The following CWC27 variants were observed in gnomAD, a reference collection of about 807,000 sequenced individuals.
CWC27 encodes spliceosome-associated protein CWC27 homolog.
Under a neutral mutation model 63.6 loss-of-function variants are expected in CWC27, and 47 were observed. The ratio of observed to expected loss-of-function variants is 0.74; its 90% CI spans 0.58 to 0.94. The LOEUF (loss-of-function observed/expected upper bound fraction) is 0.94, where lower values mean the gene tolerates loss of function less well. CWC27 is among the 40% of genes least tolerant of loss of function. The pLI, the probability that CWC27 is intolerant of heterozygous loss-of-function variation, is 0.00. For synonymous variants in CWC27, 175 were observed against 179.8 expected (o/e 0.97, Z 0.22); for missense variants, 495 against 554.3 (o/e 0.89, Z 1.07).
chr5:64,839,608 C>A (rs1239239305), intron 10 of CWC27, among the ~76,000 whole-genome samples: 6 of 152,142 alleles, frequency 3.9e-5, no homozygotes, highest in Non-Finnish European at 8.8e-5. Flanking sequence ...AAAGGCCTAA[C>A]TATCTCCACA....
chr5:64,977,122 A>T lies in CWC27; in HGVS notation c.1153-13A>T, dbSNP rs747663837. On this transcript the variant is annotated splice_polypyrimidine_tract_variant and intron_variant, in intron 12 of 13. Coordinates refer to ENST00000381070, the MANE Select transcript of CWC27 (RefSeq NM_005869.4). The stretch of plus-strand genomic sequence containing the variant: ...CTTTATCAGAAAACTTAGCAGTCTA[A>T]TTGTTATTTCAGACCCTTGCACTGC... 2.6e-6 allele frequency: 4 copies of T among 1,522,916 alleles called. No individual in the cohort carries two copies. The East Asian group carries it at 9.3e-5, about 35-fold the overall frequency. 94.3% of individuals were successfully genotyped at this position (1,522,916 alleles called of 1,614,324 possible).
chr5:64,999,724 T>C (rs1374911007), intron 13 of CWC27, among the ~76,000 whole-genome samples: 3 of 152,144 alleles, frequency 2.0e-5, no homozygotes, highest in African/African-American at 7.2e-5. Context: ...ACGTTTTCTT[T>C]ATCCATTCAT....
chr5:64,859,176 C>T (rs6886454), intron 10 of CWC27, among the ~76,000 whole-genome samples: 55,300 of 151,954 alleles, frequency 0.36, 10,648 homozygotes, highest in East Asian at 0.51. Context: ...GAACATAGTG[C>T]ATGATTCTAT....
At chr5:64,790,942 T>C (rs1013014515) in intron 7 of CWC27, among the ~76,000 whole-genome samples, 7 of 152,200 alleles carry the variant, frequency 4.6e-5, no homozygotes, top group African/African-American at 1.7e-4. Flanking sequence ...AATTTTGAAC[T>C]GAGGGTTTTT....
At chr5:64,985,937 T>C (rs533537424) in intron 13 of CWC27, among the ~76,000 whole-genome samples, 2 of 152,266 alleles carry the variant, frequency 1.3e-5, no homozygotes, top group South Asian at 4.1e-4. Flanking sequence ...TCACCTTGAA[T>C]TGTAATCCCC....
At chr5:65,015,310 G>A (rs916416433) in intron 13 of CWC27, among the ~76,000 whole-genome samples, 6 of 152,164 alleles carry the variant, frequency 3.9e-5, no homozygotes, top group Non-Finnish European at 8.8e-5. Context: ...AAAACCATCT[G>A]TATTTCTGGG....
rs139423785 is a variant in CWC27, at chr5:65,014,841, T to C, written c.1257-3318T>C. ...TGACCAAAGCATGTTGAAAGATAAA[T>C]GGATGAAGCATTTTGATTATGCTTG... is the stretch of plus-strand genomic sequence containing the variant. On this transcript the variant is annotated intron_variant, in intron 13 of 13. Transcript: ENST00000381070. 4.0e-3 allele frequency among the ~76,000 whole-genome samples: 614 copies of C among 152,336 alleles called. 2 individuals carry two copies. The highest frequency in any genetic ancestry group is 0.014 in the African/African-American group (595 of 41,580).
intron 10 of CWC27, among the ~76,000 whole-genome samples, chr5:64,879,723 G>T (rs1327379531): frequency 6.6e-6 from 1 of 151,362 alleles, no homozygotes; most frequent in Non-Finnish European, 1.5e-5. Context: ...TGGATTACAA[G>T]TCAGGTATTA....
intron 10 of CWC27, among the ~76,000 whole-genome samples, chr5:64,842,452 C>T (rs900192423): frequency 1.3e-5 from 2 of 151,852 alleles, no homozygotes; most frequent in East Asian, 1.9e-4. Flanking sequence ...TGCAGGCACC[C>T]GCCACCATGC....
intron 11 of CWC27, among the ~76,000 whole-genome samples, chr5:64,942,039 A>G (rs914791785): frequency 1.3e-5 from 2 of 152,194 alleles, no homozygotes; most frequent in African/African-American, 4.8e-5. Flanking sequence ...ACATGAGTAG[A>G]TAAATAATTT....
At chr5:64,861,884 C>T (rs1318165925) in intron 10 of CWC27, among the ~76,000 whole-genome samples, 2 of 152,174 alleles carry the variant, frequency 1.3e-5, no homozygotes, top group African/African-American at 4.8e-5. Flanking sequence ...CAATATCATG[C>T]TATTTAAAGA....
chr5:65,013,785 G>T (rs1750002416), intron 13 of CWC27, among the ~76,000 whole-genome samples: 1 of 152,160 alleles, frequency 6.6e-6, no homozygotes, highest in Non-Finnish European at 1.5e-5. Context: ...AGTTAGGGTG[G>T]CTTGGATGTG....
intron 10 of CWC27, among the ~76,000 whole-genome samples, chr5:64,828,913 G>T (rs1286690741): frequency 6.6e-6 from 1 of 152,028 alleles, no homozygotes; most frequent in African/African-American, 2.4e-5. Flanking sequence ...GCAAGCAAAA[G>T]GGCAGGAAGC....
chr5:64,920,709 C>A (rs1747980247), intron 11 of CWC27, among the ~76,000 whole-genome samples: 1 of 152,108 alleles, frequency 6.6e-6, no homozygotes, highest in Non-Finnish European at 1.5e-5. Flanking sequence ...GGAATTTATC[C>A]ATTTCTTCTA....
At position 64,783,758 on chromosome 5, in the gene CWC27, C is replaced by T. The variant is rs148366358; in HGVS notation, c.253-78C>T. On this transcript the variant is annotated intron_variant, in intron 3 of 13. Transcript: ENST00000381070. ...ATTTTTTATTAGAAGTTGTATGGGA[C>T]CTTGCAGGTCAAGTTGAATAACTGC... 1.2e-3 allele frequency: 1,456 copies of T among 1,228,820 alleles called. 22 individuals carry two copies. In the African/African-American group the frequency reaches 0.021, roughly 18 times the overall value. The allele number at this position is 1,228,820 out of a possible 1,614,324, so 76.1% of individuals were successfully genotyped here. A position where few individuals can be genotyped will look rare whatever the true frequency, so the allele number is the denominator to read the frequency against.
At chr5:64,835,204 A>G (rs200799165) in intron 10 of CWC27, among the ~76,000 whole-genome samples, 1 of 151,812 alleles carries the variant, frequency 6.6e-6, no homozygotes, top group East Asian at 1.9e-4. Flanking sequence ...AAAATTATTC[A>G]CTGTGCATTA....
At chr5:64,995,618 C>T (rs1359907177) in intron 13 of CWC27, among the ~76,000 whole-genome samples, 2 of 151,924 alleles carry the variant, frequency 1.3e-5, no homozygotes, top group East Asian at 1.9e-4. Flanking sequence ...TACCGTGTTT[C>T]CCCATGGATA....
chr5:64,851,493 T>C (rs1229240034), intron 10 of CWC27, among the ~76,000 whole-genome samples: 2 of 152,154 alleles, frequency 1.3e-5, no homozygotes, highest in South Asian at 4.1e-4. Flanking sequence ...GCATCGTTAA[T>C]GTAGTTAACA....
chr5:64,997,645 T>A (rs1339056564), intron 13 of CWC27, among the ~76,000 whole-genome samples: 4 of 152,106 alleles, frequency 2.6e-5, no homozygotes, highest in African/African-American at 4.8e-5. Context: ...GATAAAAAAA[T>A]TTTTGAGTTT....
Sources: gnomAD v4.1 joint callset for allele counts (sites outside exome capture counted in the v4.1 genomes callset) on GRCh38, gnomAD v4.1.1 for gene constraint, MANE v1.5 for transcripts, NCBI Gene and HGNC (gene_info 2026-07-23, HGNC 2026-07-21) for gene names.